UBE2Z: variants seen among roughly 807,000 people sequenced by gnomAD.
UBE2Z encodes the protein ubiquitin conjugating enzyme E2 Z.
UBE2Z carries 10 observed loss-of-function variants against 32.6 expected under a neutral mutation model. That is an observed-to-expected ratio of 0.31 (90% CI 0.19 to 0.52). The LOEUF is 0.52. Among genes scored for constraint, UBE2Z ranks in the 20% least tolerant of loss-of-function variants. The pLI is 0.97. For missense variants in UBE2Z, 343 were observed against 480.9 expected, an observed-to-expected ratio of 0.71 and a Z score of 2.68; for synonymous variants, 183 against 190.8, an observed-to-expected ratio of 0.96 and a Z score of 0.34.
Position 48,908,464 on chromosome 17 carries a change from G to C in UBE2Z, c.-40G>C. The C allele has an allele frequency of 8.1e-7, 1 of 1,228,378 alleles. No homozygotes were observed. Among genetic ancestry groups the C allele is most frequent in the Middle Eastern group, 2.8e-4 (1 of 3,600 alleles). 76.1% of individuals were successfully genotyped at this position (1,228,378 alleles called of 1,614,324 possible). On this transcript the variant is annotated 5_prime_UTR_variant, in exon 1 of 7. Coordinates refer to ENST00000360943, the MANE Select transcript of UBE2Z (RefSeq NM_023079.5). The stretch of plus-strand genomic sequence containing the variant: ...GGCGGGAGCAGCGGCCGCTCTGGTC[G>C]GCGGACGTGCTGCCGAGTAGTCCCG...
intron 4 of UBE2Z, among the ~76,000 whole-genome samples, chr17:48,920,465 C>T (rs2040751571): frequency 6.6e-6 from 1 of 152,042 alleles, no homozygotes; most frequent in Non-Finnish European, 1.5e-5. Flanking sequence ...CCATTGCACT[C>T]CAGCCTGGGT....
chr17:48,912,645 T>C, intron 2 of UBE2Z, 189 bp from the exon 3 acceptor site: 2 of 589,676 alleles, frequency 3.4e-6, no homozygotes, highest in South Asian at 4.9e-5. Context: ...GTAATGAGAT[T>C]TCTTAAAATT....
chr17:48,914,667 A>T (rs1192256331), intron 3 of UBE2Z, among the ~76,000 whole-genome samples: 1 of 152,226 alleles, frequency 6.6e-6, no homozygotes, highest in African/African-American at 2.4e-5. Context: ...AAGTAGTAGA[A>T]GTGTGTTAGG....
rs1160124338 is a variant in UBE2Z at position 48,927,536 on chromosome 17, C to G, written c.*402C>G. 5.9e-6 allele frequency: 1 copy of G among 168,532 alleles called. No homozygotes were observed. The highest frequency in any genetic ancestry group is 2.4e-5 in the African/African-American group (1 of 42,088). 10.4% of individuals were successfully genotyped at this position (168,532 alleles called of 1,614,324 possible). ...ATTTATGGGGATACCTGGAAGGGAGCTTGGGGTGGGGGCTGTCTGTGACAC... is the reference window on the plus strand; with the variant it reads ...ATTTATGGGGATACCTGGAAGGGAGGTTGGGGTGGGGGCTGTCTGTGACAC... On this transcript the variant is annotated 3_prime_UTR_variant, in exon 7 of 7. Coordinates refer to ENST00000360943, the MANE Select transcript of UBE2Z (RefSeq NM_023079.5).
chr17:48,909,299 T>A (rs1429740751), intron 1 of UBE2Z, among the ~76,000 whole-genome samples: 1 of 151,278 alleles, frequency 6.6e-6, no homozygotes, highest in African/African-American at 2.4e-5. Context: ...TCCTTTGCCA[T>A]GCCTCTGACT....
At chr17:48,914,194 A>G (rs318091) in intron 3 of UBE2Z, among the ~76,000 whole-genome samples, 62,559 of 152,034 alleles carry the variant, frequency 0.41, 15,401 homozygotes, top group East Asian at 0.71. Context: ...CAGTGTGGAC[A>G]TCTTCTCGCA....
intron 4 of UBE2Z, among the ~76,000 whole-genome samples, chr17:48,917,222 G>A (rs1433174386): frequency 1.3e-5 from 2 of 152,094 alleles, no homozygotes; most frequent in African/African-American, 2.4e-5. Context: ...GGAGAATGGC[G>A]TGAACCCAGG....
At position 48,908,740 on chromosome 17, in the gene UBE2Z, G is replaced by C. The variant is rs761005750; in HGVS notation, c.237G>C (p.Leu79=). The change falls in exon 1 of 7, where the codon CTG becomes CTC. Residue 79 remains leucine (L), a synonymous_variant. Coordinates refer to ENST00000360943, the MANE Select transcript of UBE2Z (RefSeq NM_023079.5). ...PPSAAAHGAA[L]LSHWDPTLSS... is the part of the protein sequence containing the mutation. ...CAGCCGCTGCCCACGGGGCCGCGCT[G>C]CTTAGCCACTGGGACCCCACGCTCA... The C allele has an allele frequency of 2.8e-5, 41 of 1,486,424 alleles. No homozygotes were observed. The African/African-American group carries it at 3.9e-4, about 14-fold the overall frequency. The allele number at this position is 1,486,424 out of a possible 1,614,324, so 92.1% of individuals were successfully genotyped here.
In UBE2Z at chr17:48,908,838, C is replaced by T. The variant is rs2040649663; in HGVS notation, c.317+18C>T. Reference sequence around the variant, plus strand: ...ATCAAGCGGTGAGCCGGGGTTTTTCCTCCCCCAGCCCCGAGCTCCGGGGCT... The same window carrying T: ...ATCAAGCGGTGAGCCGGGGTTTTTCTTCCCCCAGCCCCGAGCTCCGGGGCT... On this transcript the variant is annotated intron_variant, in intron 1 of 6. Transcript: ENST00000360943. 1.4e-6 allele frequency: 2 copies of T among 1,479,254 alleles called. No homozygotes were observed. The highest frequency in any genetic ancestry group is 1.8e-6 in the Non-Finnish European group (2 of 1,117,904). 91.6% of individuals were successfully genotyped at this position (1,479,254 alleles called of 1,614,324 possible). A position where few individuals can be genotyped will look rare whatever the true frequency, so the allele number is the denominator to read the frequency against.
intron 5 of UBE2Z, among the ~76,000 whole-genome samples, chr17:48,922,187 G>C (rs2040763973): frequency 6.6e-6 from 1 of 152,066 alleles, no homozygotes; most frequent in South Asian, 2.1e-4. Context: ...AGGAGTTCAA[G>C]ACCAGCCTGA....
rs543811908 is a variant in UBE2Z at position 48,912,668 on chromosome 17, A to G, written c.391-166A>G. ...ATTTCTTAAAATTCCAAACCTACGT[A>G]TTAGTATGAGTGAATACAGGATGTT... On this transcript the variant is annotated intron_variant, in intron 2 of 6. Transcript: ENST00000360943. 3.8e-4 allele frequency: 259 copies of G among 680,796 alleles called. 1 individual carries two copies. In the African/African-American group the frequency reaches 4.1e-3, roughly 11 times the overall value. The allele number at this position is 680,796 out of a possible 1,614,324, so 42.2% of individuals were successfully genotyped here. A position where few individuals can be genotyped will look rare whatever the true frequency, so the allele number is the denominator to read the frequency against.
intron 4 of UBE2Z, among the ~76,000 whole-genome samples, chr17:48,916,938 G>A (rs2040724356): frequency 6.6e-6 from 1 of 151,966 alleles, no homozygotes; most frequent in Non-Finnish European, 1.5e-5. Context: ...TGGAGGCAGA[G>A]GTTGCAGTGA....
chr17:48,927,992 T>TA lies in UBE2Z; in HGVS notation c.*859dup, dbSNP rs1211722241. ...AGAGCCACTACATAGAATAGTCTCT[T>TA]ACAGATTTTCATAAATACTAGTCAC... On this transcript the variant is annotated 3_prime_UTR_variant, in exon 7 of 7. Coordinates refer to ENST00000360943, the MANE Select transcript of UBE2Z (RefSeq NM_023079.5). 2.0e-5 allele frequency: 3 copies of TA among 152,442 alleles called. No individual in the cohort carries two copies. Among genetic ancestry groups the TA allele is most frequent in the East Asian group, 3.9e-4 (2 of 5,192 alleles). The allele number at this position is 152,442 out of a possible 1,614,324, so 9.4% of individuals were successfully genotyped here. A position where few individuals can be genotyped will look rare whatever the true frequency, so the allele number is the denominator to read the frequency against.
rs1234844736 is a variant in UBE2Z, at chr17:48,921,192, T to C, written c.723T>C (p.Asn241=). 2 of 1,612,554 alleles carry C rather than the reference T, an allele frequency of 1.2e-6. No homozygotes were observed. The highest frequency in any genetic ancestry group is 1.3e-5 in the African/African-American group (1 of 75,022). ...ERHPGDSKNY[N]ECIRHETIRV... The stretch of plus-strand genomic sequence containing the variant: ...ATCCAGGAGACAGCAAAAACTATAA[T>C]GAATGTATCCGGCACGAGACCATCA... The change falls in exon 5 of 7, where the codon AAT becomes AAC. Residue 241 remains asparagine, a synonymous_variant. Transcript: ENST00000360943.
intron 1 of UBE2Z, among the ~76,000 whole-genome samples, chr17:48,909,597 A>C (rs2040660873): frequency 7.6e-6 from 1 of 132,288 alleles, no homozygotes; most frequent in Non-Finnish European, 1.5e-5. Context: ...AAGCAAATAT[A>C]CTCATCAAAT....
intron 6 of UBE2Z, among the ~76,000 whole-genome samples, chr17:48,923,443 C>G (rs2040777177): frequency 6.6e-6 from 1 of 151,376 alleles, no homozygotes; most frequent in African/African-American, 2.4e-5. Flanking sequence ...CCAGCCTGGC[C>G]AACATGATGA....
intron 3 of UBE2Z, among the ~76,000 whole-genome samples, chr17:48,914,202 G>A (rs185808369): frequency 3.7e-4 from 57 of 152,202 alleles, no homozygotes; most frequent in African/African-American, 1.3e-3. Context: ...ACATCTTCTC[G>A]CATATTTTGG....
chr17:48,923,207 T>G (rs758810222), intron 6 of UBE2Z: 43 of 226,846 alleles, frequency 1.9e-4, no homozygotes, highest in Middle Eastern at 1.7e-3. Context: ...TGTAGTCCCA[T>G]CTACTCAGGA....
chr17:48,927,765 A>C lies in UBE2Z; in HGVS notation c.*631A>C, dbSNP rs2040807372. 6.5e-6 allele frequency: 1 copy of C among 152,774 alleles called. No individual in the cohort carries two copies. Among genetic ancestry groups the C allele is most frequent in the Non-Finnish European group, 1.5e-5 (1 of 68,170 alleles). The allele number at this position is 152,774 out of a possible 1,614,324, so 9.5% of individuals were successfully genotyped here. ...TCTAGGCTGCTGATCAGTAAGCTTTACCTAGCACCTGAGCACCTTTCTCCC... is the reference window on the plus strand; with the variant it reads ...TCTAGGCTGCTGATCAGTAAGCTTTCCCTAGCACCTGAGCACCTTTCTCCC... On this transcript the variant is annotated 3_prime_UTR_variant, in exon 7 of 7. Transcript: ENST00000360943.
Sources: gnomAD v4.1 joint callset for allele counts (sites outside exome capture counted in the v4.1 genomes callset) on GRCh38, gnomAD v4.1.1 for gene constraint, MANE v1.5 for transcripts, NCBI Gene and HGNC (gene_info 2026-07-23, HGNC 2026-07-21) for gene names.